Variants in NIPSNAP3B observed in about 807,000 individuals in gnomAD.
The protein encoded by NIPSNAP3B is protein NipSnap homolog 3B.
In NIPSNAP3B, 30 loss-of-function variants were observed where a neutral mutation model predicts 31.5. That is an observed-to-expected ratio of 0.95 (90% confidence interval 0.71 to 1.29). The LOEUF (loss-of-function observed/expected upper bound fraction) is 1.29. Among genes scored for constraint, NIPSNAP3B ranks in the 50% most tolerant of loss-of-function variants. The pLI, the probability that NIPSNAP3B is intolerant of heterozygous loss-of-function variation, is 0.00. For synonymous variants in NIPSNAP3B, 106 were observed against 107.9 expected, an observed-to-expected ratio of 0.98 and a Z score of 0.11; for missense variants, 269 against 300.7, an observed-to-expected ratio of 0.89 and a Z score of 0.78.
rs370572755 is a variant in NIPSNAP3B at position 104,766,348 on chromosome 9, C to A, written c.84C>A (p.Gly28=). Residue 28 remains glycine, a synonymous_variant, in exon 2 of 6, where the codon GGC becomes GGA. Transcript: ENST00000374762. The part of the protein sequence containing the change: ...APQVCSSFAT[G]PRQYDGTFYE... ...AGGTGTGTTCATCTTTTGCTACGGG[C>A]CCTAGACAATACGATGGAACGTTCT... 5.6e-6 allele frequency: 9 copies of A among 1,613,380 alleles called. No homozygotes were observed. The Admixed American group carries it at 8.3e-5, about 15-fold the overall frequency.
intron 3 of NIPSNAP3B, 55 bp from the exon 4 acceptor site, chr9:104,770,794 G>T: frequency 6.5e-7 from 1 of 1,535,312 alleles, no homozygotes; most frequent in East Asian, 2.3e-5. Flanking sequence ...GGAAAACCTG[G>T]TTAGAAATTG....
At chr9:104,767,173 T>C (rs1193789877) in intron 2 of NIPSNAP3B, among the ~76,000 whole-genome samples, 1 of 152,096 alleles carries the variant, frequency 6.6e-6, no homozygotes, top group Non-Finnish European at 1.5e-5. Flanking sequence ...TAAAGGATGA[T>C]AGTTAACTTT....
At chr9:104,771,323 A>G (rs2118796191) in intron 4 of NIPSNAP3B, 1 of 179,818 alleles carries the variant, frequency 5.6e-6, no homozygotes, top group Non-Finnish European at 1.2e-5. Flanking sequence ...TCAGGTATTA[A>G]GCCCAGTACC....
At chr9:104,787,313 C>T in the NIPSNAP3B span, among the ~76,000 whole-genome samples, 1 of 151,760 alleles carries the variant, frequency 6.6e-6, no homozygotes, top group African/African-American at 2.4e-5. Flanking sequence ...TGTCTGAAAC[C>T]TCTATTGAAG....
chr9:104,785,803 T>C, the NIPSNAP3B span, among the ~76,000 whole-genome samples: 2 of 152,218 alleles, frequency 1.3e-5, no homozygotes, highest in Admixed American at 6.5e-5. Flanking sequence ...TAAATACTTA[T>C]TTTATGTGAA....
the NIPSNAP3B span, chr9:104,788,567 A>G: frequency 6.2e-7 from 1 of 1,614,178 alleles, no homozygotes; most frequent in Non-Finnish European, 8.5e-7. Flanking sequence ...TTGATAAGAT[A>G]CTGCAAAGGA....
chr9:104,769,470 A>AAG lies in NIPSNAP3B; in HGVS notation c.430+453_430+454dup, dbSNP rs1554691849. Reference sequence around the variant, plus strand: ...CTCCGTCTCAAAAAAAAAAAAAAAAAAGAGAATTAGAGTTCTAGAGCTCTT... The same window carrying AAG: ...CTCCGTCTCAAAAAAAAAAAAAAAAAAGAGAGAATTAGAGTTCTAGAGCTCTT... On this transcript the variant is annotated intron_variant, in intron 3 of 5. Transcript: ENST00000374762. Among the ~76,000 whole-genome samples, 696 of 151,600 alleles carry AAG rather than the reference A, an allele frequency of 4.6e-3. 5 individuals carry two copies. Among genetic ancestry groups the AAG allele is most frequent in the African/African-American group, 0.016 (661 of 41,302 alleles).
the NIPSNAP3B span, chr9:104,787,965 G>A: frequency 3.7e-6 from 6 of 1,614,218 alleles, no homozygotes; most frequent in African/African-American, 5.3e-5. Flanking sequence ...TGGCTGTAGA[G>A]AGCTTGCGTT....
the NIPSNAP3B span, chr9:104,785,274 T>G: frequency 7.7e-7 from 1 of 1,306,570 alleles, no homozygotes. Flanking sequence ...TAGCTAGGAA[T>G]AGTAGATCAG....
the NIPSNAP3B span, chr9:104,786,380 A>G: frequency 1.3e-5 from 21 of 1,613,968 alleles, no homozygotes; most frequent in East Asian, 2.2e-5. Context: ...AGAGCTTCAC[A>G]TTCTTCCATA....
chr9:104,785,297 C>G, the NIPSNAP3B span: 2 of 1,489,336 alleles, frequency 1.3e-6, no homozygotes, highest in Non-Finnish European at 1.8e-6. Context: ...ATTCAAGCAC[C>G]AATTCAAGAT....
the NIPSNAP3B span, chr9:104,788,036 G>T: frequency 6.2e-7 from 1 of 1,614,022 alleles, no homozygotes; most frequent in South Asian, 1.1e-5. Flanking sequence ...CCCAGTTTCC[G>T]AATCGCCCAC....
the NIPSNAP3B span, chr9:104,786,932 C>T: frequency 3.1e-6 from 5 of 1,614,036 alleles, no homozygotes; most frequent in Non-Finnish European, 2.5e-6. Flanking sequence ...CACAATTCCA[C>T]AAGAACCGCC....
intron 4 of NIPSNAP3B, among the ~76,000 whole-genome samples, chr9:104,771,998 A>C (rs913944837): frequency 1.3e-5 from 2 of 152,150 alleles, no homozygotes; most frequent in South Asian, 4.1e-4. Context: ...GCATTTTCTC[A>C]TAAGTTTGTT....
chr9:104,773,267 C>T lies in NIPSNAP3B; in HGVS notation c.*194C>T. 1 of 591,422 alleles carries T rather than the reference C, an allele frequency of 1.7e-6. No individual in the cohort carries two copies. The highest frequency in any genetic ancestry group is 3.0e-6 in the Non-Finnish European group (1 of 337,578). 36.6% of individuals were successfully genotyped at this position (591,422 alleles called of 1,614,324 possible). A position where few individuals can be genotyped will look rare whatever the true frequency, so the allele number is the denominator to read the frequency against. On this transcript the variant is annotated 3_prime_UTR_variant, in exon 6 of 6. Transcript: ENST00000374762. ...TAAGAAATAATTCAGTTCACTTTCA[C>T]CTTGGCATTTCAGTATCTGTTACAC... is the stretch of plus-strand genomic sequence containing the variant.
At chr9:104,779,962 G>T (rs1010557455), downstream of NIPSNAP3B, among the ~76,000 whole-genome samples, 1 of 152,182 alleles carries the variant, frequency 6.6e-6, no homozygotes, top group Non-Finnish European at 1.5e-5. Context: ...GGGAGGCGGA[G>T]GTTGCAGTGA....
chr9:104,786,362 T>C, the NIPSNAP3B span: 1 of 1,614,158 alleles, frequency 6.2e-7, no homozygotes, highest in Admixed American at 1.7e-5. Context: ...ATTGCCATCC[T>C]AGTGCAAAGA....
rs78492621 is a variant in NIPSNAP3B, at chr9:104,775,801, A to G, written c.*2728A>G. On this transcript the variant is annotated 3_prime_UTR_variant, in exon 6 of 6. Coordinates refer to ENST00000374762, the MANE Select transcript of NIPSNAP3B (RefSeq NM_018376.4). Reference sequence around the variant, plus strand: ...TCCAGGTTTCTGTTTTGCTCAGGCCACAGACTTCAGAGTCATTCTCACACT... The same window carrying G: ...TCCAGGTTTCTGTTTTGCTCAGGCCGCAGACTTCAGAGTCATTCTCACACT... Among the ~76,000 whole-genome samples, 1,363 of 152,280 alleles carry G rather than the reference A, an allele frequency of 9.0e-3. 20 individuals carry two copies. The highest frequency in any genetic ancestry group is 0.03 in the African/African-American group (1,226 of 41,534).
At position 104,770,957 on chromosome 9, in the gene NIPSNAP3B, T is replaced by C; in HGVS notation, c.539T>C (p.Val180Ala). The C allele has an allele frequency of 6.2e-7, 1 of 1,613,924 alleles. No homozygotes were observed. The highest frequency in any genetic ancestry group is 1.1e-5 in the South Asian group (1 of 91,082). ...CATGTCAATTTAGGCTACACAAAAG[T>C]AGTTGGTGTTTTCCACACAGAATAT... ...NAHVNLGYTK[V>A]VGVFHTEYGE... Residue 180 changes from valine (V) to alanine (A), a missense_variant, in exon 4 of 6, where the codon GTA (valine) becomes GCA (alanine). Coordinates refer to ENST00000374762, the MANE Select transcript of NIPSNAP3B (RefSeq NM_018376.4).
Sources: gnomAD v4.1 joint callset for allele counts (sites outside exome capture counted in the v4.1 genomes callset) on GRCh38, gnomAD v4.1.1 for gene constraint, MANE v1.5 for transcripts, NCBI Gene and HGNC (gene_info 2026-07-23, HGNC 2026-07-21) for gene names.